Variants in KCNN3 observed in about 807,000 individuals in gnomAD.
The protein encoded by KCNN3 is small conductance calcium-activated potassium channel protein 3.
Under a neutral mutation model 62.9 loss-of-function variants are expected in KCNN3, and 16 were observed. The ratio of observed to expected loss-of-function variants is 0.25; its 90% CI spans 0.17 to 0.39. The LOEUF (loss-of-function observed/expected upper bound fraction) is 0.39. KCNN3 is among the 10% of genes least tolerant of loss of function. The probability of loss-of-function intolerance (pLI) is 1.00; values close to 1 mark genes in which losing one functional copy is unlikely to be tolerated. For missense variants in KCNN3, 599 were observed against 949.4 expected (o/e 0.63, Z 4.85); for synonymous variants, 370 against 389.2 (o/e 0.95, Z 0.58).
intron 2 of KCNN3, among the ~76,000 whole-genome samples, chr1:154,800,306 G>A (rs566078032): frequency 4.6e-5 from 7 of 152,256 alleles, no homozygotes; most frequent in East Asian, 3.9e-4. Context: ...CCATTCTATC[G>A]CAGATGGATT....
At chr1:154,798,373 A>G (rs1649816140) in intron 2 of KCNN3, among the ~76,000 whole-genome samples, 1 of 152,196 alleles carries the variant, frequency 6.6e-6, no homozygotes, top group African/African-American at 2.4e-5. Flanking sequence ...ACAGATGAGG[A>G]GAAGGTATAT....
intron 3 of KCNN3, 53 bp downstream of exon 3, chr1:154,771,922 C>T: frequency 6.3e-7 from 1 of 1,580,346 alleles, no homozygotes; most frequent in Non-Finnish European, 8.7e-7. Flanking sequence ...TACTCCTCCT[C>T]CCTTCCCTGT....
chr1:154,822,275 G>A (rs879004264), intron 1 of KCNN3, 91 bp from the exon 2 acceptor site: 2 of 915,376 alleles, frequency 2.2e-6, no homozygotes, highest in Admixed American at 1.9e-5. Flanking sequence ...AAGGGGTGGG[G>A]ACACAGGAGG....
At chr1:154,788,623 A>G (rs1188858936) in intron 2 of KCNN3, among the ~76,000 whole-genome samples, 3 of 152,052 alleles carry the variant, frequency 2.0e-5, no homozygotes, top group African/African-American at 7.3e-5. Context: ...AGAGGCACCA[A>G]ATACTCCCCT....
chr1:154,814,553 G>A (rs55873169), intron 2 of KCNN3, among the ~76,000 whole-genome samples: 13,140 of 152,314 alleles, frequency 0.086, 995 homozygotes, highest in East Asian at 0.36. Context: ...GTTCCTGGAG[G>A]AGGAAATATC....
chr1:154,722,192 T>C (rs1379835239), intron 5 of KCNN3, among the ~76,000 whole-genome samples: 1 of 152,146 alleles, frequency 6.6e-6, no homozygotes, highest in East Asian at 1.9e-4. Flanking sequence ...GATTAATAGC[T>C]ACAATTCCTT....
chr1:154,858,491 A>T (rs1652623594), intron 1 of KCNN3, among the ~76,000 whole-genome samples: 2 of 152,354 alleles, frequency 1.3e-5, no homozygotes, highest in South Asian at 4.1e-4. Context: ...GTGCTCTCTT[A>T]GGAAGAGTTG....
In KCNN3 at chr1:154,751,269, C is replaced by T. The variant is rs1308554894; in HGVS notation, c.1449-18125G>A. ...GCTAAAGAAGCTCTAAAGCCCCCTC[C>T]AGCTCTAAGTCAGGTGTTTTTTTGG... On this transcript the variant is annotated intron_variant, in intron 3 of 7. Coordinates refer to ENST00000271915, the MANE Select transcript of KCNN3 (RefSeq NM_002249.6). Among the ~76,000 whole-genome samples, 3 of 152,216 alleles carry T rather than the reference C, an allele frequency of 2.0e-5. No homozygotes were observed. The East Asian group carries it at 5.8e-4, about 29-fold the overall frequency.
chr1:154,788,139 G>A (rs765856092), intron 2 of KCNN3, among the ~76,000 whole-genome samples: 1 of 152,294 alleles, frequency 6.6e-6, no homozygotes, highest in Non-Finnish European at 1.5e-5. Context: ...GACTGTCTGG[G>A]ATATGAATGA....
chr1:154,785,802 T>C (rs982492635), intron 2 of KCNN3, among the ~76,000 whole-genome samples: 17 of 151,978 alleles, frequency 1.1e-4, no homozygotes, highest in Non-Finnish European at 1.9e-4. Flanking sequence ...GGTTTTGCGA[T>C]GTTGGCCAGG....
At chr1:154,828,305 A>G in intron 1 of KCNN3, among the ~76,000 whole-genome samples, 1 of 151,982 alleles carries the variant, frequency 6.6e-6, no homozygotes, top group East Asian at 1.9e-4. Flanking sequence ...CACACATGCC[A>G]TGACAAACAG....
intron 3 of KCNN3, among the ~76,000 whole-genome samples, chr1:154,744,344 G>A (rs1230322714): frequency 3.3e-5 from 5 of 152,204 alleles, no homozygotes; most frequent in African/African-American, 1.2e-4. Flanking sequence ...GCTCCAGTGC[G>A]TAACTGACCT....
chr1:154,730,277 G>A (rs1052168792), intron 4 of KCNN3, among the ~76,000 whole-genome samples: 5 of 152,204 alleles, frequency 3.3e-5, no homozygotes, highest in Admixed American at 2.0e-4. Flanking sequence ...TATATACCCT[G>A]CTTAATGGTT....
intron 2 of KCNN3, among the ~76,000 whole-genome samples, chr1:154,819,263 G>A (rs1163503825): frequency 6.6e-6 from 1 of 152,158 alleles, no homozygotes; most frequent in Non-Finnish European, 1.5e-5. Context: ...AGATTGGGGG[G>A]CTAAGTAATA....
intron 7 of KCNN3, 64 bp downstream of exon 7, chr1:154,713,400 G>A (rs1557937382): frequency 7.3e-7 from 1 of 1,374,626 alleles, no homozygotes; most frequent in African/African-American, 1.4e-5. Context: ...AGGACTCACA[G>A]GTGAGCCTGA....
At chr1:154,842,692 C>A (rs1321909098) in intron 1 of KCNN3, among the ~76,000 whole-genome samples, 1 of 150,308 alleles carries the variant, frequency 6.7e-6, no homozygotes, top group Non-Finnish European at 1.5e-5. Flanking sequence ...TAATTAAATG[C>A]TCAGTGCTAC....
At chr1:154,828,832 C>T (rs1030550188) in intron 1 of KCNN3, among the ~76,000 whole-genome samples, 2 of 152,250 alleles carry the variant, frequency 1.3e-5, no homozygotes, top group African/African-American at 2.4e-5. Context: ...ACTGCACCCC[C>T]AATATCAGCA....
chr1:154,801,608 T>C (rs1299927390), intron 2 of KCNN3, among the ~76,000 whole-genome samples: 4 of 152,034 alleles, frequency 2.6e-5, no homozygotes, highest in African/African-American at 9.7e-5. Context: ...TTTCTGAGAG[T>C]GACATATCTT....
intron 1 of KCNN3, among the ~76,000 whole-genome samples, chr1:154,824,487 A>G (rs1379361212): frequency 6.6e-6 from 1 of 152,234 alleles, no homozygotes; most frequent in African/African-American, 2.4e-5. Flanking sequence ...AAAAGAGCAA[A>G]TGGTGAATTC....
Sources: allele counts gnomAD v4.1 joint callset (sites outside exome capture counted in the v4.1 genomes callset), GRCh38; gene constraint gnomAD v4.1.1; transcripts MANE v1.5; gene names NCBI Gene and HGNC (gene_info 2026-07-23, HGNC 2026-07-21).